GPR149: variants seen among roughly 807,000 people sequenced by gnomAD.
The protein encoded by GPR149 is probable G protein-coupled receptor 149.
Under a neutral mutation model 50.2 loss-of-function variants are expected in GPR149, and 50 were observed. The ratio of observed to expected loss-of-function variants is 1.00; its 90% confidence interval spans 0.79 to 1.26. The LOEUF (loss-of-function observed/expected upper bound fraction) is 1.26, where lower values mean the gene tolerates loss of function less well. Ranked by LOEUF, GPR149 falls within the 50% of genes most tolerant of loss-of-function variation. The pLI is 0.00. For synonymous variants in GPR149, 405 were observed against 358.2 expected (o/e 1.13, Z -1.48); for missense variants, 983 against 895.4 (o/e 1.10, Z -1.25).
At chr3:154,349,321 T>C (rs1019191449) in intron 3 of GPR149, among the ~76,000 whole-genome samples, 1 of 152,144 alleles carries the variant, frequency 6.6e-6, no homozygotes, top group African/African-American at 2.4e-5. Flanking sequence ...CAAAAAGTTA[T>C]TTTTTTAACA....
chr3:154,417,566 G>C (rs1036483664), intron 3 of GPR149, among the ~76,000 whole-genome samples: 2 of 151,994 alleles, frequency 1.3e-5, no homozygotes, highest in South Asian at 4.1e-4. Context: ...ATTAAATGTA[G>C]TACCATTAGA....
At chr3:154,424,839 A>AT (rs970005830) in intron 2 of GPR149, among the ~76,000 whole-genome samples, 46 of 150,918 alleles carry the variant, frequency 3.0e-4, no homozygotes, top group Non-Finnish European at 5.2e-4. Context: ...AAAACAAATC[A>AT]TTTTTCGGAG....
intron 3 of GPR149, among the ~76,000 whole-genome samples, chr3:154,420,301 T>C (rs1712100960): frequency 6.6e-6 from 1 of 151,916 alleles, no homozygotes. Context: ...ATATGAGAGC[T>C]TGGGGAAAGA....
chr3:154,388,786 CAGACACT>C (rs1715102055), intron 3 of GPR149, among the ~76,000 whole-genome samples: 1 of 151,980 alleles, frequency 6.6e-6, no homozygotes, highest in South Asian at 2.1e-4. Flanking sequence ...ATTCATACCA[CAGACACT>C]AGAAAGGAGA....
chr3:154,422,240 T>A (rs191558733), intron 2 of GPR149, among the ~76,000 whole-genome samples: 98 of 151,700 alleles, frequency 6.5e-4, no homozygotes, highest in Middle Eastern at 7.8e-3. Flanking sequence ...TATGATGAAA[T>A]AATAATTATA....
chr3:154,400,567 A>T (rs1430808672), intron 3 of GPR149, among the ~76,000 whole-genome samples: 2 of 152,074 alleles, frequency 1.3e-5, no homozygotes, highest in African/African-American at 4.8e-5. Context: ...CTTCCACAAT[A>T]TTGTCATTCT....
At chr3:154,349,266 A>G (rs1054941742) in intron 3 of GPR149, among the ~76,000 whole-genome samples, 1 of 152,206 alleles carries the variant, frequency 6.6e-6, no homozygotes, top group African/African-American at 2.4e-5. Context: ...AAAAGCTGAT[A>G]TCAATGACAT....
chr3:154,376,730 G>T (rs1339932646), intron 3 of GPR149, among the ~76,000 whole-genome samples: 1 of 152,150 alleles, frequency 6.6e-6, no homozygotes, highest in Non-Finnish European at 1.5e-5. Context: ...ATTATAACAT[G>T]GAAGATAAAA....
chr3:154,384,658 C>T (rs1386719335), intron 3 of GPR149, among the ~76,000 whole-genome samples: 2 of 152,208 alleles, frequency 1.3e-5, no homozygotes, highest in South Asian at 2.1e-4. Flanking sequence ...AAAACACAGG[C>T]AAAGAGCCTG....
chr3:154,418,518 A>G (rs1576929739), intron 3 of GPR149, among the ~76,000 whole-genome samples: 2 of 72,414 alleles, frequency 2.8e-5, no homozygotes, highest in Admixed American at 2.4e-4. Context: ...CTTTGTAGGG[A>G]CATGGATGAA....
At chr3:154,386,642 T>C (rs56292772) in intron 3 of GPR149, among the ~76,000 whole-genome samples, 9,320 of 152,242 alleles carry the variant, frequency 0.061, 926 homozygotes, top group African/African-American at 0.21. Context: ...CTCTTTGATT[T>C]CACCTAGAAC....
At chr3:154,377,615 C>T (rs1410935984) in intron 3 of GPR149, among the ~76,000 whole-genome samples, 1 of 152,132 alleles carries the variant, frequency 6.6e-6, no homozygotes, top group Non-Finnish European at 1.5e-5. Flanking sequence ...ATCCCTTCGT[C>T]TCTGCCTCCC....
At chr3:154,376,702 C>G (rs968359095) in intron 3 of GPR149, among the ~76,000 whole-genome samples, 3 of 152,134 alleles carry the variant, frequency 2.0e-5, no homozygotes, top group Admixed American at 6.5e-5. Context: ...AGAGCTTTAT[C>G]TAAAAATATA....
chr3:154,409,741 T>A (rs1169809432), intron 3 of GPR149, among the ~76,000 whole-genome samples: 2 of 152,052 alleles, frequency 1.3e-5, no homozygotes, highest in Non-Finnish European at 2.9e-5. Context: ...GTGTTAAACA[T>A]CCAAACCTAA....
chr3:154,352,365 G>T, intron 3 of GPR149: 1 of 1,116,432 alleles, frequency 9.0e-7, no homozygotes, highest in Non-Finnish European at 1.3e-6. Flanking sequence ...TTCAATTTCA[G>T]GTAATTTGGC....
At position 154,356,899 on chromosome 3, in the gene GPR149, G is replaced by C. The variant is rs1011279567; in HGVS notation, c.1624-18628C>G. 7.3e-3 allele frequency among the ~76,000 whole-genome samples: 1,106 copies of C among 152,230 alleles called. 12 individuals carry two copies. Among genetic ancestry groups the C allele is most frequent in the African/African-American group, 0.026 (1,069 of 41,516 alleles). On this transcript the variant is annotated intron_variant, in intron 3 of 3. Transcript: ENST00000389740. ...GTCAATCCTAAGACAAAAGAACAAA[G>C]CTGGAGGCATCACACTACCTGACTT...
rs1041629291 is a variant in GPR149 at position 154,429,013 on chromosome 3, G to A, written c.603C>T (p.Ala201=). The change falls in exon 1 of 4, where the codon GCC becomes GCT. Residue 201 remains alanine, a synonymous_variant. Transcript: ENST00000389740. ...CTGAGAGGCCCACGAGGAGTCCGAA[G>A]GCCAAAGCGTACACGATAGAGAGGA... is the stretch of plus-strand genomic sequence containing the variant. ...VLFLSIVYAL[A]FGLLVGLSVP... The A allele has an allele frequency of 1.2e-6, 2 of 1,613,954 alleles. No homozygotes were observed. Among genetic ancestry groups the A allele is most frequent in the Non-Finnish European group, 1.7e-6 (2 of 1,180,034 alleles).
At chr3:154,367,705 T>G (rs1405784415) in intron 3 of GPR149, among the ~76,000 whole-genome samples, 1 of 152,144 alleles carries the variant, frequency 6.6e-6, no homozygotes, top group African/African-American at 2.4e-5. Flanking sequence ...ACTTACAGCT[T>G]TTTTTCTCTT....
intron 3 of GPR149, among the ~76,000 whole-genome samples, chr3:154,419,878 C>A (rs762262597): frequency 3.9e-5 from 6 of 151,996 alleles, no homozygotes; most frequent in African/African-American, 9.7e-5. Flanking sequence ...TTGGCCTCCA[C>A]CTTTTACTGT....
Sources: gnomAD v4.1 joint callset for allele counts (sites outside exome capture counted in the v4.1 genomes callset) on GRCh38, gnomAD v4.1.1 for gene constraint, MANE v1.5 for transcripts, NCBI Gene and HGNC (gene_info 2026-07-23, HGNC 2026-07-21) for gene names.